VPS13B: variants seen among roughly 807,000 people sequenced by gnomAD.
VPS13B encodes the protein intermembrane lipid transfer protein VPS13B.
VPS13B carries 285 observed loss-of-function variants against 426.4 expected under a neutral mutation model. That is an observed-to-expected ratio of 0.67 (90% CI 0.61 to 0.74). The LOEUF (loss-of-function observed/expected upper bound fraction) is 0.74, where lower values mean the gene tolerates loss of function less well. Among genes scored for constraint, VPS13B ranks in the 30% least tolerant of loss-of-function variants. VPS13B has a pLI of 0.00. For synonymous variants in VPS13B, 1,676 were observed against 1,676.4 expected (o/e 1.00, Z 0.01); for missense variants, 4,537 against 4,782.6 (o/e 0.95, Z 1.51).
intron 19 of VPS13B, among the ~76,000 whole-genome samples, chr8:99,382,059 C>T (rs1344155558): frequency 1.3e-5 from 2 of 152,132 alleles, no homozygotes; most frequent in Non-Finnish European, 2.9e-5. Flanking sequence ...TAGCCAATTC[C>T]AGCACCATTT....
intron 17 of VPS13B, among the ~76,000 whole-genome samples, chr8:99,194,471 T>A (rs1363793293): frequency 6.6e-6 from 1 of 152,220 alleles, no homozygotes; most frequent in Admixed American, 6.5e-5. Flanking sequence ...ACTACCATTC[T>A]ACTCTCTACT....
intron 23 of VPS13B, among the ~76,000 whole-genome samples, chr8:99,466,122 G>T (rs1353750637): frequency 6.6e-6 from 1 of 152,074 alleles, no homozygotes; most frequent in East Asian, 1.9e-4. Flanking sequence ...CATGAGTGCA[G>T]TGTGATCTCT....
At chr8:99,842,857 C>T (rs1815780580) in intron 54 of VPS13B, among the ~76,000 whole-genome samples, 1 of 152,094 alleles carries the variant, frequency 6.6e-6, no homozygotes, top group African/African-American at 2.4e-5. Flanking sequence ...TTAGACCTAA[C>T]ATATGTATGA....
Position 99,051,445 on chromosome 8 carries a change from G to C in VPS13B, c.291+12879G>C, listed in dbSNP as rs1199967457. Among the ~76,000 whole-genome samples, 12 of 151,666 alleles carry C rather than the reference G, an allele frequency of 7.9e-5. 1 individual carries two copies. The highest frequency in any genetic ancestry group is 6.3e-4 in the South Asian group (3 of 4,750). On this transcript the variant is annotated intron_variant, in intron 3 of 61. Transcript: ENST00000357162. ...TTGGTTACTGTAGCCTTGTAGTATA[G>C]TTTGAAGTCAGGTAGCATGATGCCT...
intron 36 of VPS13B, among the ~76,000 whole-genome samples, chr8:99,716,318 A>G (rs1010019141): frequency 6.6e-6 from 1 of 152,082 alleles, no homozygotes; most frequent in African/African-American, 2.4e-5. Flanking sequence ...TTAATCTTTC[A>G]TCTTTTTTAG....
Position 99,650,808 on chromosome 8 carries a change from C to CA in VPS13B, c.5908+8311dup, listed in dbSNP as rs1257750001. On this transcript the variant is annotated intron_variant, in intron 34 of 61. Transcript: ENST00000357162. ...GGGATTACTGTATAAAATTGGCCCT[C>CA]AGTATTCATGGGTTCCACATCTGTG... Among the ~76,000 whole-genome samples, 4 of 152,276 alleles carry CA rather than the reference C, an allele frequency of 2.6e-5. No homozygotes were observed. The East Asian group carries it at 7.7e-4, about 29-fold the overall frequency.
chr8:99,419,171 A>G lies in VPS13B; in HGVS notation c.3083-12366A>G, dbSNP rs146742799. ...TCCCCCTAGTGCTGTCTCCTGGTAG[A>G]GTTCTCAAGAAATCTGATGGTTTAA... On this transcript the variant is annotated intron_variant, in intron 21 of 61. Coordinates refer to ENST00000357162, the MANE Select transcript of VPS13B (RefSeq NM_152564.5). Among the ~76,000 whole-genome samples, 959 of 152,266 alleles carry G rather than the reference A, an allele frequency of 6.3e-3. 8 individuals carry two copies. The highest frequency in any genetic ancestry group is 0.022 in the African/African-American group (900 of 41,558).
intron 35 of VPS13B, chr8:99,696,475 ACCT>A: frequency 2.5e-6 from 1 of 394,196 alleles, no homozygotes; most frequent in Non-Finnish European, 4.9e-6. Context: ...ATCCGCGCCG[ACCT>A]CCTCCGCTTG....
chr8:99,410,396 G>T, intron 21 of VPS13B, among the ~76,000 whole-genome samples: 1 of 151,884 alleles, frequency 6.6e-6, no homozygotes, highest in Non-Finnish European at 1.5e-5. Flanking sequence ...CTGTGCCTTT[G>T]TGCATCTTCT....
At chr8:99,579,915 C>T (rs1189194543) in intron 33 of VPS13B, among the ~76,000 whole-genome samples, 1 of 151,528 alleles carries the variant, frequency 6.6e-6, no homozygotes, top group Non-Finnish European at 1.5e-5. Context: ...CCAGGCTTGT[C>T]TTGAACTCCC....
At position 99,384,133 on chromosome 8, in the gene VPS13B, C is replaced by T. The variant is rs868494517; in HGVS notation, c.2825-75C>T. 185 of 1,194,706 alleles carry T rather than the reference C, an allele frequency of 1.5e-4. 2 individuals carry two copies. The highest frequency in any genetic ancestry group is 1.3e-3 in the Middle Eastern group (7 of 5,232). The allele number at this position is 1,194,706 out of a possible 1,614,324, so 74.0% of individuals were successfully genotyped here. A position where few individuals can be genotyped will look rare whatever the true frequency, so the allele number is the denominator to read the frequency against. On this transcript the variant is annotated intron_variant, in intron 19 of 61. Transcript: ENST00000357162. ...TGTCTGTTATGTCATAGCTATCCTA[C>T]ATGGTGTAAAGTGACAAATAGCTTA... is the stretch of plus-strand genomic sequence containing the variant.
At chr8:99,584,256 GT>G (rs1377365681) in intron 33 of VPS13B, among the ~76,000 whole-genome samples, 1 of 152,166 alleles carries the variant, frequency 6.6e-6, no homozygotes, top group African/African-American at 2.4e-5. Flanking sequence ...CCTTGTCAAC[GT>G]TAAAATTAGT....
rs371020399 is a variant in VPS13B at position 99,162,478 on chromosome 8, G to A, written c.2208+5735G>A. Among the ~76,000 whole-genome samples the A allele has an allele frequency of 2.4e-4, 37 of 152,248 alleles. No individual in the cohort carries two copies. The East Asian group carries it at 3.7e-3, about 15-fold the overall frequency. On this transcript the variant is annotated intron_variant, in intron 15 of 61. Coordinates refer to ENST00000357162, the MANE Select transcript of VPS13B (RefSeq NM_152564.5). ...CAAGAATGAAGCCGCGGACCCTCGC[G>A]GTGAGTGTTACAGCTCTTAAGGTGG...
chr8:99,616,034 C>A (rs1009578176), intron 33 of VPS13B, among the ~76,000 whole-genome samples: 2 of 152,076 alleles, frequency 1.3e-5, no homozygotes, highest in Non-Finnish European at 2.9e-5. Context: ...ATCTCCTCTA[C>A]AGATTCAGTA....
chr8:99,837,339 C>T lies in VPS13B; in HGVS notation c.9942+1601C>T, dbSNP rs188309177. On this transcript the variant is annotated intron_variant, in intron 54 of 61. Transcript: ENST00000357162. ...GTTCAGGGGCTGAACAGTGAAAACC[C>T]GCGGGATCTGTGCAGCCTCAGGAGA... Among the ~76,000 whole-genome samples the T allele has an allele frequency of 3.8e-3, 579 of 152,162 alleles. 3 individuals carry two copies. Among genetic ancestry groups the T allele is most frequent in the Non-Finnish European group, 6.0e-3 (406 of 67,980 alleles).
chr8:99,755,073 C>T (rs1031895102), intron 39 of VPS13B, among the ~76,000 whole-genome samples: 5 of 152,008 alleles, frequency 3.3e-5, no homozygotes, highest in African/African-American at 1.2e-4. Context: ...CCAACATATT[C>T]CTGGGAAACT....
At chr8:99,172,761 C>A (rs1337385124) in intron 16 of VPS13B, among the ~76,000 whole-genome samples, 3 of 152,086 alleles carry the variant, frequency 2.0e-5, no homozygotes, top group Admixed American at 2.0e-4. Context: ...TAATTCTGAT[C>A]TTAAAATGAT....
At chr8:99,632,222 TA>T (rs1464768519) in intron 33 of VPS13B, among the ~76,000 whole-genome samples, 12 of 151,952 alleles carry the variant, frequency 7.9e-5, no homozygotes, top group Non-Finnish European at 1.6e-4. Context: ...ATTTACTTTT[TA>T]ATTCATAGTT....
chr8:99,871,392 T>A, intron 60 of VPS13B, 56 bp from the exon 61 acceptor site: 5 of 1,612,800 alleles, frequency 3.1e-6, no homozygotes, highest in Admixed American at 1.7e-5. Flanking sequence ...TGAGCACTGA[T>A]AAGTGACCAT....
Sources: gnomAD v4.1 joint callset for allele counts (sites outside exome capture counted in the v4.1 genomes callset) on GRCh38, gnomAD v4.1.1 for gene constraint, MANE v1.5 for transcripts, NCBI Gene and HGNC (gene_info 2026-07-23, HGNC 2026-07-21) for gene names.